The following SGCD variants were observed in gnomAD, a reference collection of about 807,000 sequenced individuals.
SGCD encodes the protein delta-sarcoglycan.
A neutral mutation model predicts 36.6 loss-of-function variants in SGCD; 18 were observed. The ratio of observed to expected loss-of-function variants is 0.49; its 90% CI spans 0.34 to 0.73. The LOEUF (loss-of-function observed/expected upper bound fraction) is 0.73. Among genes scored for constraint, SGCD ranks in the 30% least tolerant of loss-of-function variants. The pLI is 0.01. For missense variants in SGCD, 387 were observed against 346.7 expected (o/e 1.12, Z -0.92); for synonymous variants, 133 against 130.6 (o/e 1.02, Z -0.12).
intron 1 of SGCD, among the ~76,000 whole-genome samples, chr5:155,883,024 C>T (rs1181293132): frequency 1.3e-5 from 2 of 152,158 alleles, no homozygotes; most frequent in South Asian, 2.1e-4. Flanking sequence ...CTTCTGCTTA[C>T]GTTTTTATGC....
Position 156,694,455 on chromosome 5 carries a change from A to G in SGCD, c.575+46919A>G, listed in dbSNP as rs576683220. Among the ~76,000 whole-genome samples the G allele has an allele frequency of 9.2e-5, 14 of 152,302 alleles. No homozygotes were observed. In the South Asian group the frequency reaches 2.7e-3, roughly 29 times the overall value. ...TTGTCTGTCTGTATAGTGCTTTACA[A>G]TTTTTAATTTTTTTTTCTAAATATT... On this transcript the variant is annotated intron_variant, in intron 7 of 8. Transcript: ENST00000337851.
chr5:156,156,493 A>G (rs1488569685), intron 3 of SGCD, among the ~76,000 whole-genome samples: 1 of 151,508 alleles, frequency 6.6e-6, no homozygotes, highest in African/African-American at 2.5e-5. Context: ...GCGTGGTGGC[A>G]TGCGCCAGTA....
intron 1 of SGCD, among the ~76,000 whole-genome samples, chr5:155,983,399 G>T (rs537261549): frequency 1.3e-5 from 2 of 152,074 alleles, no homozygotes; most frequent in African/African-American, 2.4e-5. Context: ...TCCCAGGTTC[G>T]AGTGATTCTC....
chr5:156,477,264 G>A (rs537053254), intron 3 of SGCD, among the ~76,000 whole-genome samples: 3 of 152,024 alleles, frequency 2.0e-5, no homozygotes, highest in Non-Finnish European at 2.9e-5. Context: ...TGGGAGATCC[G>A]GTACATTGAG....
chr5:156,676,526 G>A (rs1269069805), intron 7 of SGCD, among the ~76,000 whole-genome samples: 7 of 152,204 alleles, frequency 4.6e-5, no homozygotes, highest in East Asian at 1.9e-4. Flanking sequence ...TTTCTGGGGC[G>A]GCTCTTGAAA....
At chr5:156,071,343 T>C (rs1467945795) in intron 1 of SGCD, among the ~76,000 whole-genome samples, 5 of 152,222 alleles carry the variant, frequency 3.3e-5, no homozygotes, top group African/African-American at 4.8e-5. Context: ...TTTGTTCTCA[T>C]TGGTTTCAAA....
chr5:156,492,933 T>G (rs571860806), intron 3 of SGCD, among the ~76,000 whole-genome samples: 3 of 152,348 alleles, frequency 2.0e-5, no homozygotes, highest in Admixed American at 6.5e-5. Flanking sequence ...ATGGTGTATA[T>G]GTGCCACATT....
chr5:156,625,116 C>A (rs1762392907), intron 6 of SGCD, among the ~76,000 whole-genome samples: 1 of 152,124 alleles, frequency 6.6e-6, no homozygotes, highest in Non-Finnish European at 1.5e-5. Context: ...AGCAGTTAGG[C>A]CCCTGCTAGG....
chr5:155,728,268 G>GGCGGCCGCT, the SGCD span, among the ~76,000 whole-genome samples: 3 of 152,000 alleles, frequency 2.0e-5, no homozygotes, highest in African/African-American at 7.2e-5. Context: ...CGCGGGAGGT[G>GGCGGCCGCT]GCGGCCGCTG....
intron 1 of SGCD, among the ~76,000 whole-genome samples, chr5:155,986,540 G>C (rs952697474): frequency 6.6e-6 from 1 of 152,174 alleles, no homozygotes; most frequent in African/African-American, 2.4e-5. Context: ...CAGTGCCCTG[G>C]AACAACCCAG....
intron 1 of SGCD, among the ~76,000 whole-genome samples, chr5:156,050,232 G>A (rs1180658323): frequency 6.8e-6 from 1 of 146,076 alleles, no homozygotes; most frequent in African/African-American, 2.5e-5. Flanking sequence ...TTAAGAAATC[G>A]CCACAGCAAC....
chr5:156,092,800 A>G (rs1048657990), intron 1 of SGCD, among the ~76,000 whole-genome samples: 10 of 152,218 alleles, frequency 6.6e-5, no homozygotes, highest in South Asian at 2.1e-4. Flanking sequence ...GCATTCTGAC[A>G]TATAGAGAAA....
At chr5:155,959,902 T>C (rs1023158083) in intron 1 of SGCD, among the ~76,000 whole-genome samples, 5 of 152,114 alleles carry the variant, frequency 3.3e-5, no homozygotes, top group African/African-American at 1.2e-4. Flanking sequence ...GGTTACATGC[T>C]AGTCGATTTC....
At chr5:156,146,730 A>T (rs1762716949) in intron 3 of SGCD, among the ~76,000 whole-genome samples, 1 of 152,232 alleles carries the variant, frequency 6.6e-6, no homozygotes, top group Admixed American at 6.5e-5. Context: ...TAAGACTAAA[A>T]ATAAGCGTTA....
At chr5:156,046,484 G>C (rs919510743) in intron 1 of SGCD, among the ~76,000 whole-genome samples, 3 of 152,062 alleles carry the variant, frequency 2.0e-5, no homozygotes, top group African/African-American at 7.2e-5. Context: ...TTTTCCAAAA[G>C]TGTGTGCTCA....
intron 1 of SGCD, among the ~76,000 whole-genome samples, chr5:155,951,232 G>T (rs1009172230): frequency 3.3e-5 from 5 of 152,006 alleles, no homozygotes; most frequent in Non-Finnish European, 5.9e-5. Flanking sequence ...GACATATACA[G>T]GATCATTATA....
At chr5:156,111,651 C>A (rs1410555113) in intron 1 of SGCD, among the ~76,000 whole-genome samples, 1 of 146,938 alleles carries the variant, frequency 6.8e-6, no homozygotes, top group Non-Finnish European at 1.5e-5. Context: ...TGTAGCTAGT[C>A]ATGTGAAAGA....
chr5:156,713,983 A>C (rs1755113190), intron 7 of SGCD, among the ~76,000 whole-genome samples: 1 of 152,232 alleles, frequency 6.6e-6, no homozygotes, highest in African/African-American at 2.4e-5. Context: ...TAAATGCTCT[A>C]GTTTCCTATT....
At chr5:155,832,565 G>A in the SGCD span, among the ~76,000 whole-genome samples, 9 of 152,064 alleles carry the variant, frequency 5.9e-5, no homozygotes, top group African/African-American at 2.2e-4. Context: ...GACTGAGTTA[G>A]GGATTCTAGT....
Sources: allele counts gnomAD v4.1 joint callset (sites outside exome capture counted in the v4.1 genomes callset), GRCh38; gene constraint gnomAD v4.1.1; transcripts MANE v1.5; gene names NCBI Gene and HGNC (gene_info 2026-07-23, HGNC 2026-07-21).